The following CREB3L1 variants were observed in gnomAD, a reference collection of about 807,000 sequenced individuals.
The protein encoded by CREB3L1 is cAMP responsive element binding protein 3 like 1, also known as cyclic AMP-responsive element-binding protein 3-like protein 1.
In CREB3L1, 33 loss-of-function variants were observed where a neutral mutation model predicts 54.5. The ratio of observed to expected loss-of-function variants is 0.61; its 90% CI spans 0.46 to 0.81. The LOEUF (loss-of-function observed/expected upper bound fraction) is 0.81. CREB3L1 is among the 30% of genes least tolerant of loss of function. CREB3L1 has a pLI of 0.00. For synonymous variants in CREB3L1, 284 were observed against 286.4 expected, an observed-to-expected ratio of 0.99 and a Z score of 0.08; for missense variants, 656 against 673.3, an observed-to-expected ratio of 0.97 and a Z score of 0.29.
intron 9 of CREB3L1, among the ~76,000 whole-genome samples, chr11:46,316,731 T>C (rs1939572611): frequency 6.6e-6 from 1 of 152,120 alleles, no homozygotes; most frequent in South Asian, 2.1e-4. Flanking sequence ...AGAACGGACA[T>C]GGTTCTTTCT....
In CREB3L1 at chr11:46,280,248, C is replaced by T. The variant is rs1590335721; in HGVS notation, c.102+2035C>T. ...TGTCGCCCAGGCTGGAGTGCAGTGG[C>T]GCGATCTCGGCTCACTGCAAGCTCC... is the stretch of plus-strand genomic sequence containing the variant. On this transcript the variant is annotated intron_variant, in intron 1 of 11. Coordinates refer to ENST00000621158, the MANE Select transcript of CREB3L1 (RefSeq NM_052854.4). Among the ~76,000 whole-genome samples the T allele has an allele frequency of 2.0e-5, 3 of 148,002 alleles. No individual in the cohort carries two copies. In the South Asian group the frequency reaches 6.4e-4, roughly 32 times the overall value.
chr11:46,311,325 C>A, intron 5 of CREB3L1, 136 bp downstream of exon 5: 1 of 1,192,610 alleles, frequency 8.4e-7, no homozygotes, highest in Non-Finnish European at 1.1e-6. Flanking sequence ...GGATGCTTAC[C>A]TGGCAGATGG....
intron 10 of CREB3L1, 77 bp from the exon 11 acceptor site, chr11:46,320,187 T>C (rs1425726862): frequency 2.1e-6 from 3 of 1,461,994 alleles, no homozygotes; most frequent in African/African-American, 1.4e-5. Context: ...CCTGCGTCCT[T>C]AACCACTAGG....
At chr11:46,284,691 G>T (rs1021012481) in intron 1 of CREB3L1, among the ~76,000 whole-genome samples, 1 of 151,954 alleles carries the variant, frequency 6.6e-6, no homozygotes. Context: ...CAGGGACTGG[G>T]GCCATGTTCC....
intron 1 of CREB3L1, among the ~76,000 whole-genome samples, chr11:46,280,165 TTTC>T (rs757342972): frequency 2.1e-5 from 3 of 145,696 alleles, no homozygotes; most frequent in Non-Finnish European, 4.6e-5. Context: ...TGACTTTTCT[TTTC>T]TTGTTTTTTT....
intron 10 of CREB3L1, among the ~76,000 whole-genome samples, chr11:46,317,698 C>G (rs1176430566): frequency 6.6e-6 from 1 of 152,198 alleles, no homozygotes. Flanking sequence ...AAATACAGAG[C>G]TCCCGATGCC....
intron 1 of CREB3L1, among the ~76,000 whole-genome samples, chr11:46,294,237 G>A (rs1474773554): frequency 6.6e-6 from 1 of 152,098 alleles, no homozygotes; most frequent in Non-Finnish European, 1.5e-5. Context: ...CCTTCCCTAG[G>A]CCTATGGGGA....
chr11:46,288,931 G>T (rs894623344), intron 1 of CREB3L1, among the ~76,000 whole-genome samples: 1 of 152,166 alleles, frequency 6.6e-6, no homozygotes, highest in African/African-American at 2.4e-5. Context: ...GTACTAAGAG[G>T]ACCCACTTTA....
chr11:46,308,189 C>T (rs923284886), intron 3 of CREB3L1, among the ~76,000 whole-genome samples, 189 bp downstream of exon 3: 6 of 152,136 alleles, frequency 3.9e-5, no homozygotes, highest in South Asian at 2.1e-4. Context: ...CTCACCATAC[C>T]GCAACGGGCA....
intron 2 of CREB3L1, among the ~76,000 whole-genome samples, chr11:46,306,774 T>A (rs1939402531): frequency 6.7e-6 from 1 of 149,000 alleles, no homozygotes; most frequent in Admixed American, 6.6e-5. Flanking sequence ...GAACACTTAC[T>A]CTTTTTTTTT....
Position 46,278,008 on chromosome 11 carries a change from C to T in CREB3L1, c.-104C>T, listed in dbSNP as rs562025459. ...CCCCGGGGCTTCGCCCCGGACCTGCCCCCCGCCCGTTTGCCAGCGCTCAGG... is the reference window on the plus strand; with the variant it reads ...CCCCGGGGCTTCGCCCCGGACCTGCTCCCCGCCCGTTTGCCAGCGCTCAGG... On this transcript the variant is annotated 5_prime_UTR_variant, in exon 1 of 12. Transcript: ENST00000621158. This position sits in a 1 kb window ranked among gnomAD's most constrained non-coding sequence, Gnocchi z 4.2. 3.0e-5 allele frequency: 17 copies of T among 559,740 alleles called. No individual in the cohort carries two copies. In the South Asian group the frequency reaches 3.9e-4, roughly 13 times the overall value. 34.7% of individuals were successfully genotyped at this position (559,740 alleles called of 1,614,324 possible).
At chr11:46,310,109 T>C in intron 4 of CREB3L1, 42 bp downstream of exon 4, 1 of 1,406,716 alleles carries the variant, frequency 7.1e-7, no homozygotes, top group Non-Finnish European at 9.9e-7. Flanking sequence ...CCTCCAGTCA[T>C]AGGCAGATAG....
intron 2 of CREB3L1, 127 bp downstream of exon 2, chr11:46,300,290 A>C: frequency 1.5e-6 from 1 of 685,032 alleles, no homozygotes; most frequent in Non-Finnish European, 2.5e-6. Context: ...GCCACCACAA[A>C]CCCCTTAGGA....
rs527526792 is a variant in CREB3L1 at position 46,300,267 on chromosome 11, G to C, written c.331+104G>C. On this transcript the variant is annotated intron_variant, in intron 2 of 11. Coordinates refer to ENST00000621158, the MANE Select transcript of CREB3L1 (RefSeq NM_052854.4). ...GTGCCTGCAGCCTGAGACTCCCAGA[G>C]GCTCCAAGAGGAGCCACCACAAACC... The C allele has an allele frequency of 1.1e-5, 9 of 852,610 alleles. 1 individual carries two copies. In the South Asian group the frequency reaches 1.1e-4, roughly 11 times the overall value. 52.8% of individuals were successfully genotyped at this position (852,610 alleles called of 1,614,324 possible). A position where few individuals can be genotyped will look rare whatever the true frequency, so the allele number is the denominator to read the frequency against.
At chr11:46,320,000 A>G (rs1939622956) in intron 10 of CREB3L1, among the ~76,000 whole-genome samples, 1 of 152,130 alleles carries the variant, frequency 6.6e-6, no homozygotes, top group African/African-American at 2.4e-5. Flanking sequence ...TCCTGAACAC[A>G]GTTTCAATCA....
intron 3 of CREB3L1, among the ~76,000 whole-genome samples, chr11:46,309,763 C>A (rs1398216777): frequency 6.6e-6 from 1 of 152,228 alleles, no homozygotes; most frequent in Non-Finnish European, 1.5e-5. Context: ...AGCTTAAGGT[C>A]TGAGCTACAC....
intron 2 of CREB3L1, among the ~76,000 whole-genome samples, chr11:46,301,475 A>T (rs1939301397): frequency 6.6e-6 from 1 of 151,888 alleles, no homozygotes; most frequent in Admixed American, 6.6e-5. Context: ...CCGTCTCTAC[A>T]AAAATACAAC....
rs1417671062 is a variant in CREB3L1, at chr11:46,277,881, C to A, written c.-231C>A. 5.4e-6 allele frequency: 2 copies of A among 368,068 alleles called. No individual in the cohort carries two copies. Among genetic ancestry groups the A allele is most frequent in the Admixed American group, 4.7e-5 (1 of 21,416 alleles). The allele number at this position is 368,068 out of a possible 1,614,324, so 22.8% of individuals were successfully genotyped here. Reference sequence around the variant, plus strand: ...TGGAGTCGGCTGAATGCCCACGGTGCGCCCGGGGCCCCTGAGCCCATCCCG... The same window carrying A: ...TGGAGTCGGCTGAATGCCCACGGTGAGCCCGGGGCCCCTGAGCCCATCCCG... On this transcript the variant is annotated 5_prime_UTR_variant, in exon 1 of 12. Transcript: ENST00000621158.
At chr11:46,311,403 G>A (rs1387836843) in intron 5 of CREB3L1, among the ~76,000 whole-genome samples, 1 of 152,116 alleles carries the variant, frequency 6.6e-6, no homozygotes, top group Non-Finnish European at 1.5e-5. Flanking sequence ...GCTCAATCTC[G>A]GCTCACTGAA....
Sources: allele counts gnomAD v4.1 joint callset (sites outside exome capture counted in the v4.1 genomes callset), GRCh38; gene constraint gnomAD v4.1.1; non-coding constraint Gnocchi (gnomAD v3.1); transcripts MANE v1.5; gene names NCBI Gene and HGNC (gene_info 2026-07-23, HGNC 2026-07-21).